The following FTO variants were observed in gnomAD, a reference collection of about 807,000 sequenced individuals.
The protein encoded by FTO is alpha-ketoglutarate-dependent dioxygenase FTO.
A neutral mutation model predicts 63.9 loss-of-function variants in FTO; 47 were observed. That is an observed-to-expected ratio of 0.74 (90% confidence interval 0.58 to 0.94). The LOEUF is 0.94. Ranked by LOEUF, FTO falls within the 40% of genes least tolerant of loss-of-function variation. The pLI, the probability that FTO is intolerant of heterozygous loss-of-function variation, is 0.00. For synonymous variants in FTO, 207 were observed against 224.4 expected, an observed-to-expected ratio of 0.92 and a Z score of 0.69; for missense variants, 562 against 618.1, an observed-to-expected ratio of 0.91 and a Z score of 0.96.
At chr16:53,729,679 C>G (rs971287842) in intron 1 of FTO, among the ~76,000 whole-genome samples, 3 of 151,872 alleles carry the variant, frequency 2.0e-5, no homozygotes, top group African/African-American at 7.3e-5. Context: ...CTTTCACCCC[C>G]ATAATTTATA....
chr16:53,719,669 G>C (rs1039234209), intron 1 of FTO, among the ~76,000 whole-genome samples: 1 of 101,130 alleles, frequency 9.9e-6, no homozygotes, highest in African/African-American at 3.7e-5. Flanking sequence ...TCTTGAATTT[G>C]TTTATGCTCT....
At chr16:53,989,529 G>A (rs1435609881) in intron 8 of FTO, among the ~76,000 whole-genome samples, 1 of 152,132 alleles carries the variant, frequency 6.6e-6, no homozygotes, top group African/African-American at 2.4e-5. Context: ...AGGTAGAATA[G>A]GGTAGACGGC....
intron 1 of FTO, among the ~76,000 whole-genome samples, chr16:53,779,605 AGTTT>A (rs1188707128): frequency 1.3e-5 from 2 of 152,262 alleles, no homozygotes; most frequent in South Asian, 2.1e-4. Context: ...TACAATTTAG[AGTTT>A]GTTTATTTAT....
intron 8 of FTO, among the ~76,000 whole-genome samples, chr16:54,003,926 C>G (rs894324950): frequency 2.9e-4 from 44 of 152,082 alleles, no homozygotes; most frequent in African/African-American, 1.1e-3. Context: ...TACTCTGAAA[C>G]AGAGAACAGT....
intron 1 of FTO, among the ~76,000 whole-genome samples, chr16:53,744,715 G>C (rs1047053491): frequency 3.3e-5 from 5 of 152,156 alleles, no homozygotes; most frequent in Non-Finnish European, 7.3e-5. Flanking sequence ...TGATTGCCGA[G>C]TGCTTCTTGT....
intron 1 of FTO, among the ~76,000 whole-genome samples, chr16:53,738,894 G>A (rs748234808): frequency 2.0e-5 from 3 of 152,036 alleles, no homozygotes; most frequent in Non-Finnish European, 4.4e-5. Context: ...AGGCTGGAGT[G>A]CAGTGGCAAG....
chr16:53,862,870 C>G (rs764282504), intron 4 of FTO, among the ~76,000 whole-genome samples: 1 of 152,040 alleles, frequency 6.6e-6, no homozygotes, highest in African/African-American at 2.4e-5. Flanking sequence ...TTCTGTGATT[C>G]CTGTTAAGTA....
At chr16:53,948,451 C>T (rs1041147871) in intron 8 of FTO, among the ~76,000 whole-genome samples, 1 of 152,228 alleles carries the variant, frequency 6.6e-6, no homozygotes, top group Non-Finnish European at 1.5e-5. Flanking sequence ...AGGCAAAACA[C>T]ACGTGTGTGT....
chr16:54,010,697 A>G (rs2084314892), intron 8 of FTO, among the ~76,000 whole-genome samples: 1 of 152,168 alleles, frequency 6.6e-6, no homozygotes. Context: ...ATTTTAAATA[A>G]CTTAATTCCT....
In FTO at chr16:53,731,791, A is replaced by C. The variant is rs890255124; in HGVS notation, c.45+27562A>C. On this transcript the variant is annotated intron_variant, in intron 1 of 8. Transcript: ENST00000471389. Reference sequence around the variant, plus strand: ...GAGACGGAGTCTCCCTCTTTTGCCCAGGCTGGACTGCAGTGGCACTATCTC... The same window carrying C: ...GAGACGGAGTCTCCCTCTTTTGCCCCGGCTGGACTGCAGTGGCACTATCTC... 3.7e-5 allele frequency among the ~76,000 whole-genome samples: 5 copies of C among 135,576 alleles called. No individual in the cohort carries two copies. In the South Asian group the frequency reaches 1.1e-3, roughly 31 times the overall value. The allele number at this position is 135,576 out of a possible 152,430, so 88.9% of individuals were successfully genotyped here. A position where few individuals can be genotyped will look rare whatever the true frequency, so the allele number is the denominator to read the frequency against.
At chr16:53,724,838 T>G (rs376724654) in intron 1 of FTO, among the ~76,000 whole-genome samples, 1 of 152,164 alleles carries the variant, frequency 6.6e-6, no homozygotes, top group Non-Finnish European at 1.5e-5. Flanking sequence ...GAATCTGGGA[T>G]TGAGAACAAC....
At chr16:53,995,298 T>A (rs2083908535) in intron 8 of FTO, among the ~76,000 whole-genome samples, 1 of 152,244 alleles carries the variant, frequency 6.6e-6, no homozygotes, top group Non-Finnish European at 1.5e-5. Context: ...AACTAGCCAA[T>A]GAATGAATGT....
At chr16:54,104,853 C>T (rs1267585852) in intron 8 of FTO, among the ~76,000 whole-genome samples, 1 of 152,178 alleles carries the variant, frequency 6.6e-6, no homozygotes, top group Non-Finnish European at 1.5e-5. Context: ...TGATGTCTTT[C>T]GTTTTTATTT....
At chr16:53,986,738 A>C (rs1390186134) in intron 8 of FTO, among the ~76,000 whole-genome samples, 2 of 152,212 alleles carry the variant, frequency 1.3e-5, no homozygotes, top group African/African-American at 4.8e-5. Context: ...TATAAACTCT[A>C]TGGATTTTCT....
At chr16:54,073,185 T>C (rs535431517) in intron 8 of FTO, among the ~76,000 whole-genome samples, 27 of 152,224 alleles carry the variant, frequency 1.8e-4, no homozygotes, top group African/African-American at 6.5e-4. Flanking sequence ...TGCCTCCCCA[T>C]CCATCAAGTA....
chr16:54,108,306 C>T (rs1173372757), intron 8 of FTO, among the ~76,000 whole-genome samples: 3 of 152,168 alleles, frequency 2.0e-5, no homozygotes, highest in Non-Finnish European at 2.9e-5. Context: ...GAAGGCCAGA[C>T]GACAATGCCT....
chr16:54,044,389 A>G (rs1340240933), intron 8 of FTO, among the ~76,000 whole-genome samples: 1 of 3,938 alleles, frequency 2.5e-4, no homozygotes, highest in African/African-American at 5.4e-3. Context: ...AAAGGGATCA[A>G]TTCAACAAGA....
At chr16:53,984,466 C>T (rs1310180084) in intron 8 of FTO, among the ~76,000 whole-genome samples, 7 of 151,282 alleles carry the variant, frequency 4.6e-5, no homozygotes, top group African/African-American at 1.2e-4. Context: ...GGGTCTACAG[C>T]GCCCACCACG....
intron 1 of FTO, chr16:53,711,435 T>G (rs1212496012): frequency 2.5e-6 from 1 of 398,522 alleles, no homozygotes; most frequent in Non-Finnish European, 4.4e-6. Context: ...CCCATGGAAC[T>G]GGCTGGCTGT....
Sources: gnomAD v4.1 joint callset for allele counts (sites outside exome capture counted in the v4.1 genomes callset) on GRCh38, gnomAD v4.1.1 for gene constraint, MANE v1.5 for transcripts, NCBI Gene and HGNC (gene_info 2026-07-23, HGNC 2026-07-21) for gene names.